Variants in BCAP31 observed in about 807,000 individuals in gnomAD.
BCAP31 encodes the protein B-cell receptor-associated protein 31.
For missense variants in BCAP31, 124 were observed against 193.0 expected (o/e 0.64, Z 2.12); for synonymous variants, 75 against 80.9 (o/e 0.93, Z 0.39).
At chrX:153,704,533 C>T (rs1557048042) in intron 4 of BCAP31, among the ~76,000 whole-genome samples, 1 of 112,419 alleles carries the variant, frequency 8.9e-6, no homozygotes, top group Non-Finnish European at 1.9e-5. Context: ...ATCCTCACAT[C>T]TACCTGATGA....
At chrX:153,711,875 G>A (rs1393149070) in intron 4 of BCAP31, among the ~76,000 whole-genome samples, 1 of 101,019 alleles carries the variant, frequency 9.9e-6, no homozygotes, top group East Asian at 3.1e-4. Flanking sequence ...ACTGCACTCC[G>A]GCCTCAGCGA....
chrX:153,714,599 G>A (rs922833446), intron 4 of BCAP31, among the ~76,000 whole-genome samples: 5 of 111,105 alleles, frequency 4.5e-5, no homozygotes, highest in Non-Finnish European at 5.7e-5. Flanking sequence ...GCCTAGTAAA[G>A]CAGGACACAC....
intron 3 of BCAP31, among the ~76,000 whole-genome samples, chrX:153,720,230 G>C (rs1451975784): frequency 2.7e-5 from 3 of 111,625 alleles, no homozygotes; most frequent in African/African-American, 6.5e-5. Flanking sequence ...TTCAGTTCTA[G>C]AGTGACCTGA....
At chrX:153,711,143 G>C (rs2091588708) in intron 4 of BCAP31, among the ~76,000 whole-genome samples, 1 of 90,120 alleles carries the variant, frequency 1.1e-5, no homozygotes, top group African/African-American at 4.2e-5. Context: ...TGGGCAGCCA[G>C]AGCTCCCTTT....
In BCAP31 at chrX:153,716,248, C is replaced by T. The variant is rs181002175; in HGVS notation, c.194-559G>A. ...AATCCCTGGCCCCATTCTACACAGG[C>T]CCCAGGCTTGCTCTGCAGTTCACGA... On this transcript the variant is annotated intron_variant, in intron 3 of 7. Transcript: ENST00000345046. 4.0e-3 allele frequency among the ~76,000 whole-genome samples: 441 copies of T among 109,707 alleles called. 3 individuals carry two copies. The highest frequency in any genetic ancestry group is 0.014 in the African/African-American group (408 of 30,152).
intron 4 of BCAP31, among the ~76,000 whole-genome samples, chrX:153,711,917 A>AAAAAG (rs1557049224): frequency 8.2e-5 from 9 of 109,379 alleles, no homozygotes; most frequent in East Asian, 2.8e-4. Context: ...AAAAAAAAAA[A>AAAAAG]AAAGAAAGAA....
In BCAP31 at chrX:153,703,862, C is replaced by T. The variant is rs782709228; in HGVS notation, c.477+97G>A. On this transcript the variant is annotated intron_variant, in intron 5 of 7. Coordinates refer to ENST00000345046, the MANE Select transcript of BCAP31 (RefSeq NM_001256447.2). ...CTGGCTTTTCAGGCACATTTCCCAG[C>T]GTGACAGGCTAGCAGTGGCCACTGA... is the stretch of plus-strand genomic sequence containing the variant. 9.9e-6 allele frequency: 11 copies of T among 1,109,864 alleles called. No homozygotes were observed. In the East Asian group the frequency reaches 3.1e-4, roughly 32 times the overall value. The allele number at this position is 1,109,864 out of a possible 1,213,427, so 91.5% of individuals were successfully genotyped here.
chrX:153,715,639 G>A lies in BCAP31; in HGVS notation c.244C>T (p.Leu82Phe), dbSNP rs1557049950. 8.3e-7 allele frequency: 1 copy of A among 1,211,617 alleles called. No homozygotes were observed. Among genetic ancestry groups the A allele is most frequent in the East Asian group, 3.0e-5 (1 of 33,845 alleles). ...TCCATGGCCCCGGGATTGTTCTGGA[G>A]GTTCACCTTTTCCGTCACATCATCA... ...KYDDVTEKVN[L>F]QNNPGAMEHF... Residue 82 changes from leucine (L) to phenylalanine (F), a missense_variant, in exon 4 of 8, where the codon CTC becomes TTC. Physicochemically the swap from Leu to Phe is conservative, Grantham distance 22. Transcript: ENST00000345046.
At chrX:153,711,288 T>C (rs2091589700) in intron 4 of BCAP31, among the ~76,000 whole-genome samples, 1 of 112,154 alleles carries the variant, frequency 8.9e-6, no homozygotes, top group African/African-American at 3.2e-5. Flanking sequence ...ACCCCACTTC[T>C]ACTACCACTG....
chrX:153,722,287 T>C (rs1351737521), intron 2 of BCAP31, among the ~76,000 whole-genome samples: 1 of 112,258 alleles, frequency 8.9e-6, no homozygotes, highest in Non-Finnish European at 1.9e-5. Context: ...AAGGTACCGA[T>C]TTGGCATTCG....
At chrX:153,719,740 G>A (rs1557050658) in intron 3 of BCAP31, among the ~76,000 whole-genome samples, 2 of 111,272 alleles carry the variant, frequency 1.8e-5, no homozygotes, top group South Asian at 3.8e-4. Flanking sequence ...CCAAACAGGG[G>A]GACATATCGA....
intron 4 of BCAP31, among the ~76,000 whole-genome samples, chrX:153,706,126 T>G (rs1387537968): frequency 9.0e-6 from 1 of 111,261 alleles, no homozygotes; most frequent in Non-Finnish European, 1.9e-5. Flanking sequence ...CTTGAGACAG[T>G]CTGGGGCTCC....
chrX:153,708,522 C>T (rs1557048627), intron 4 of BCAP31, among the ~76,000 whole-genome samples: 2 of 113,020 alleles, frequency 1.8e-5, no homozygotes, highest in African/African-American at 6.4e-5. Flanking sequence ...TCCTCAGCCC[C>T]CAGCCGGCAG....
intron 4 of BCAP31, among the ~76,000 whole-genome samples, chrX:153,709,550 G>A (rs1389507968): frequency 8.9e-6 from 1 of 112,597 alleles, no homozygotes; most frequent in East Asian, 2.8e-4. Flanking sequence ...CTCGCTAGCT[G>A]TGCCCCCGAA....
chrX:153,704,792 G>A (rs1475909723), intron 4 of BCAP31: 1 of 111,957 alleles, frequency 8.9e-6, no homozygotes, highest in Non-Finnish European at 1.9e-5. Flanking sequence ...TGCAGGCTGC[G>A]CTGGAACACA....
chrX:153,701,860 C>A, intron 7 of BCAP31, 147 bp downstream of exon 7: 1 of 503,071 alleles, frequency 2.0e-6, no homozygotes, highest in South Asian at 3.6e-5. Flanking sequence ...GTGAAGGGTC[C>A]CACTCAGTAG....
rs782588664 is a variant in BCAP31 at position 153,703,693 on chromosome X, T to C, written c.477+266A>G. Among the ~76,000 whole-genome samples the C allele has an allele frequency of 3.6e-5, 4 of 112,428 alleles. No individual in the cohort carries two copies. In the Admixed American group the frequency reaches 3.7e-4, roughly 11 times the overall value. On this transcript the variant is annotated intron_variant, in intron 5 of 7. Coordinates refer to ENST00000345046, the MANE Select transcript of BCAP31 (RefSeq NM_001256447.2). ...GGCCTGGCTCACTGAGGGGCCATTTTTCTCAGGGAAGGGTCTAACTGGAAG... is the reference window on the plus strand; with the variant it reads ...GGCCTGGCTCACTGAGGGGCCATTTCTCTCAGGGAAGGGTCTAACTGGAAG...
At position 153,715,562 on chromosome X, in the gene BCAP31, G is replaced by A; in HGVS notation, c.321C>T (p.Gly107=). 2.5e-6 allele frequency: 3 copies of A among 1,211,607 alleles called. No homozygotes were observed. The highest frequency in any genetic ancestry group is 3.4e-6 in the Non-Finnish European group (3 of 895,398). The change falls in exon 4 of 8, where the codon GGC becomes GGT. Residue 107 remains glycine (G), a synonymous_variant. Coordinates refer to ENST00000345046, the MANE Select transcript of BCAP31 (RefSeq NM_001256447.2). ...FRAQRNLYIA[G]FSLLLSFLLR... ...CTCACAAGGACAGCAGCAAGGAAAAGCCAGCAATGTAGAGATTCCTCTGGG... is the reference window on the plus strand; with the variant it reads ...CTCACAAGGACAGCAGCAAGGAAAAACCAGCAATGTAGAGATTCCTCTGGG...
At chrX:153,723,770 G>C (rs1206906255) in intron 1 of BCAP31, 34 of 960,298 alleles carry the variant, frequency 3.5e-5, no homozygotes, top group Non-Finnish European at 4.7e-5. Context: ...TAGTCCAAGC[G>C]CTGCCGACGC....
Sources: gnomAD v4.1 joint callset for allele counts (sites outside exome capture counted in the v4.1 genomes callset) on GRCh38, gnomAD v4.1.1 for gene constraint, MANE v1.5 for transcripts, NCBI Gene and HGNC (gene_info 2026-07-23, HGNC 2026-07-21) for gene names.